The following RANBP10 variants were observed in gnomAD, a reference collection of about 807,000 sequenced individuals.
The protein encoded by RANBP10 is ran-binding protein 10.
In RANBP10, 24 loss-of-function variants were observed where a neutral mutation model predicts 72.8. The ratio of observed to expected loss-of-function variants is 0.33; its 90% CI spans 0.24 to 0.46. The LOEUF (loss-of-function observed/expected upper bound fraction) is 0.46, where lower values mean the gene tolerates loss of function less well. Ranked by LOEUF, RANBP10 falls within the 20% of genes least tolerant of loss-of-function variation. RANBP10 has a pLI of 1.00. For synonymous variants in RANBP10, 310 were observed against 322.3 expected (o/e 0.96, Z 0.41); for missense variants, 679 against 817.5 (o/e 0.83, Z 2.07).
Position 67,729,195 on chromosome 16 carries a change from G to C in RANBP10, c.1352+85C>G. 6.4e-7 allele frequency: 1 copy of C among 1,556,162 alleles called. No individual in the cohort carries two copies. Among genetic ancestry groups the C allele is most frequent in the Non-Finnish European group, 8.7e-7 (1 of 1,150,546 alleles). The stretch of plus-strand genomic sequence containing the variant: ...ACCTGAGATGGAGGCTGGGGGTGAA[G>C]GGCAGGGCGCTCAAAGGACAGACTG... On this transcript the variant is annotated intron_variant, in intron 10 of 13. Transcript: ENST00000317506. This position sits in a 1 kb window ranked among gnomAD's most constrained non-coding sequence, Gnocchi z 7.1.
At chr16:67,747,476 C>T (rs2054105582) in intron 3 of RANBP10, among the ~76,000 whole-genome samples, 1 of 152,002 alleles carries the variant, frequency 6.6e-6, no homozygotes. Context: ...TTCTTCCAGT[C>T]TATGGTTTAT....
chr16:67,739,077 A>G lies in RANBP10; in HGVS notation c.569-1042T>C, dbSNP rs142740956. 823 of 152,314 alleles carry G rather than the reference A, an allele frequency of 5.4e-3. 1 individual carries two copies. The highest frequency in any genetic ancestry group is 9.9e-3 in the Non-Finnish European group (674 of 68,076). 9.4% of individuals were successfully genotyped at this position (152,314 alleles called of 1,614,324 possible). A position where few individuals can be genotyped will look rare whatever the true frequency, so the allele number is the denominator to read the frequency against. On this transcript the variant is annotated intron_variant, in intron 4 of 13. Coordinates refer to ENST00000317506, the MANE Select transcript of RANBP10 (RefSeq NM_020850.3). Reference sequence around the variant, plus strand: ...CGAGTTCAAGCAATTCTCCTGCCTCAGCCTCCCGAGTAGCTGGGACTACAG... The same window carrying G: ...CGAGTTCAAGCAATTCTCCTGCCTCGGCCTCCCGAGTAGCTGGGACTACAG...
chr16:67,756,897 T>C (rs1692365209), intron 3 of RANBP10, among the ~76,000 whole-genome samples: 1 of 151,608 alleles, frequency 6.6e-6, no homozygotes. Flanking sequence ...CTCTCGGGGA[T>C]GGCAGGAAGA....
At chr16:67,783,324 T>A (rs888030681) in intron 2 of RANBP10, among the ~76,000 whole-genome samples, 15 of 152,122 alleles carry the variant, frequency 9.9e-5, no homozygotes, top group African/African-American at 3.4e-4. Context: ...CCCAGATATG[T>A]ACAAGGCCAC....
At chr16:67,733,700 T>C (rs1212954433) in intron 6 of RANBP10, among the ~76,000 whole-genome samples, 2 of 152,242 alleles carry the variant, frequency 1.3e-5, no homozygotes, top group African/African-American at 2.4e-5. Context: ...ATGCTGGACA[T>C]GGTAGCACAT....
chr16:67,778,193 T>C (rs904993625), intron 2 of RANBP10, among the ~76,000 whole-genome samples: 2 of 151,968 alleles, frequency 1.3e-5, no homozygotes, highest in African/African-American at 2.4e-5. Context: ...CTACTAAAAA[T>C]ACAAAACTAG....
intron 5 of RANBP10, 107 bp from the exon 6 acceptor site, chr16:67,735,149 G>A: frequency 8.6e-7 from 1 of 1,159,562 alleles, no homozygotes; most frequent in Non-Finnish European, 1.2e-6. Flanking sequence ...TGGGAGAGTT[G>A]CAGCAAGGCT....
chr16:67,786,315 C>A (rs542297921), intron 2 of RANBP10, among the ~76,000 whole-genome samples: 1 of 150,062 alleles, frequency 6.7e-6, no homozygotes, highest in African/African-American at 2.5e-5. Flanking sequence ...TGCGACAGAG[C>A]AAAAATCCAT....
At chr16:67,794,128 C>T (rs2055081558) in intron 2 of RANBP10, among the ~76,000 whole-genome samples, 1 of 152,180 alleles carries the variant, frequency 6.6e-6, no homozygotes, top group African/African-American at 2.4e-5. Flanking sequence ...AGCAATCCTT[C>T]CGTCTTGGCC....
chr16:67,805,026 G>C (rs952242160), intron 2 of RANBP10, among the ~76,000 whole-genome samples: 2 of 152,106 alleles, frequency 1.3e-5, no homozygotes, highest in African/African-American at 4.8e-5. Flanking sequence ...CTCTTTGAAG[G>C]CTACCAGGGC....
In RANBP10 at chr16:67,726,077, C is replaced by A. The variant is rs1197136514; in HGVS notation, c.*351G>T. 1 of 233,856 alleles carries A rather than the reference C, an allele frequency of 4.3e-6. No individual in the cohort carries two copies. Among genetic ancestry groups the A allele is most frequent in the Non-Finnish European group, 8.6e-6 (1 of 116,046 alleles). The allele number at this position is 233,856 out of a possible 1,614,324, so 14.5% of individuals were successfully genotyped here. A position where few individuals can be genotyped will look rare whatever the true frequency, so the allele number is the denominator to read the frequency against. On this transcript the variant is annotated 3_prime_UTR_variant, in exon 14 of 14. Coordinates refer to ENST00000317506, the MANE Select transcript of RANBP10 (RefSeq NM_020850.3). ...TAAATTAGCAGAAACCAGCTCAGCA[C>A]AAACTCTCCAGAGATAAATACTGGT...
intron 3 of RANBP10, among the ~76,000 whole-genome samples, chr16:67,771,510 T>C: frequency 6.6e-6 from 1 of 152,090 alleles, no homozygotes; most frequent in Non-Finnish European, 1.5e-5. Context: ...CACACCCGAC[T>C]AATTTTTTAT....
intron 3 of RANBP10, among the ~76,000 whole-genome samples, chr16:67,771,333 G>T (rs987746161): frequency 2.6e-5 from 4 of 151,748 alleles, no homozygotes; most frequent in African/African-American, 4.8e-5. Flanking sequence ...TAAAAACTTT[G>T]ATCTTTTTTA....
chr16:67,771,618 A>C (rs548876593), intron 3 of RANBP10, among the ~76,000 whole-genome samples: 9 of 152,306 alleles, frequency 5.9e-5, no homozygotes, highest in African/African-American at 2.2e-4. Context: ...GTGGGATTAC[A>C]GGCGTGAGCC....
chr16:67,801,400 GGACAT>G (rs1396744743), intron 2 of RANBP10, among the ~76,000 whole-genome samples: 3 of 152,148 alleles, frequency 2.0e-5, no homozygotes, highest in Admixed American at 6.5e-5. Flanking sequence ...GCAGCAGCAT[GGACAT>G]GTGTGTCTAG....
intron 13 of RANBP10, 105 bp downstream of exon 13, chr16:67,727,222 G>C: frequency 8.9e-7 from 1 of 1,128,312 alleles, no homozygotes; most frequent in Non-Finnish European, 1.2e-6. Context: ...AAACCCAGGA[G>C]GCAGAGGTGG....
chr16:67,790,340 G>A (rs1389601341), intron 2 of RANBP10, among the ~76,000 whole-genome samples: 3 of 151,780 alleles, frequency 2.0e-5, no homozygotes, highest in Non-Finnish European at 2.9e-5. Context: ...CAGAGTTTCT[G>A]TTTGGGGTGA....
At chr16:67,736,662 T>C (rs1252429375) in intron 5 of RANBP10, among the ~76,000 whole-genome samples, 3 of 152,224 alleles carry the variant, frequency 2.0e-5, no homozygotes, top group Non-Finnish European at 2.9e-5. Flanking sequence ...CCTTCTTGCA[T>C]GTGGCTGCAT....
chr16:67,784,545 A>T (rs1567708808), intron 2 of RANBP10, among the ~76,000 whole-genome samples: 1 of 152,010 alleles, frequency 6.6e-6, no homozygotes, highest in African/African-American at 2.4e-5. Flanking sequence ...AATCCCAGCT[A>T]CTCTGGAGGC....
Sources: gnomAD v4.1 joint callset for allele counts (sites outside exome capture counted in the v4.1 genomes callset) on GRCh38, gnomAD v4.1.1 for gene constraint, Gnocchi (gnomAD v3.1) non-coding constraint, MANE v1.5 for transcripts, NCBI Gene and HGNC (gene_info 2026-07-23, HGNC 2026-07-21) for gene names.